The following NELL2 variants were observed in gnomAD, a reference collection of about 807,000 sequenced individuals.
The protein encoded by NELL2 is protein kinase C-binding protein NELL2.
Under a neutral mutation model 109.6 loss-of-function variants are expected in NELL2, and 41 were observed. The observed-to-expected ratio is 0.37, with a 90% confidence interval of 0.29 to 0.49. The LOEUF (loss-of-function observed/expected upper bound fraction) is 0.49. Ranked by LOEUF, NELL2 falls within the 20% of genes least tolerant of loss-of-function variation. NELL2 has a pLI of 0.98. For missense variants in NELL2, 900 were observed against 1,008.3 expected (o/e 0.89, Z 1.45); for synonymous variants, 355 against 344.7 (o/e 1.03, Z -0.33).
chr12:44,826,266 A>G (rs943536508), intron 2 of NELL2, among the ~76,000 whole-genome samples: 33 of 152,320 alleles, frequency 2.2e-4, no homozygotes, highest in Admixed American at 1.4e-3. Context: ...CAATGTATAA[A>G]TTCTATTATA....
At chr12:44,736,255 C>T (rs1230305195) in intron 9 of NELL2, among the ~76,000 whole-genome samples, 4 of 151,690 alleles carry the variant, frequency 2.6e-5, no homozygotes, top group Admixed American at 6.6e-5. Context: ...GTGATCCGCC[C>T]GTCTCGGCCT....
At chr12:44,578,100 T>C (rs1944177953) in intron 15 of NELL2, among the ~76,000 whole-genome samples, 1 of 152,218 alleles carries the variant, frequency 6.6e-6, no homozygotes, top group Admixed American at 6.5e-5. Flanking sequence ...AGTAAGTATC[T>C]ATTGAAGTAA....
intron 1 of NELL2, among the ~76,000 whole-genome samples, chr12:44,909,909 G>C (rs1215239402): frequency 6.6e-6 from 1 of 151,806 alleles, no homozygotes; most frequent in Non-Finnish European, 1.5e-5. Flanking sequence ...AATGGTGCTG[G>C]AATAGCTGTC....
chr12:44,639,835 A>G (rs755144299), intron 13 of NELL2, among the ~76,000 whole-genome samples: 1 of 151,214 alleles, frequency 6.6e-6, no homozygotes, highest in Non-Finnish European at 1.5e-5. Flanking sequence ...TCTAGCCTGA[A>G]ATGGAAACTC....
chr12:44,781,120 A>C (rs1056646741), intron 3 of NELL2, among the ~76,000 whole-genome samples: 13 of 152,144 alleles, frequency 8.5e-5, no homozygotes, highest in Non-Finnish European at 1.9e-4. Context: ...TTACAGCAGC[A>C]CTGACAAAAA....
intron 15 of NELL2, among the ~76,000 whole-genome samples, chr12:44,601,568 C>T (rs994821177): frequency 5.3e-5 from 8 of 152,030 alleles, no homozygotes; most frequent in Non-Finnish European, 8.8e-5. Flanking sequence ...TGCTCTTAAC[C>T]TTTCTCTTAT....
At chr12:44,756,615 A>T (rs970328227) in intron 9 of NELL2, among the ~76,000 whole-genome samples, 8 of 152,164 alleles carry the variant, frequency 5.3e-5, no homozygotes, top group African/African-American at 1.9e-4. Flanking sequence ...AAAAAATGTT[A>T]AAAGCATCAT....
rs1172375833 is a variant in NELL2 at position 44,837,188 on chromosome 12, CT to C, written c.185-21053del. The stretch of plus-strand genomic sequence containing the variant: ...CTTTTTTGAATTCACTATGTTGGTA[CT>C]ATTAGTGTCCTTATTTTGCAGAAAG... On this transcript the variant is annotated intron_variant, in intron 2 of 19. Coordinates refer to ENST00000429094, the MANE Select transcript of NELL2 (RefSeq NM_001145108.2). 2.6e-5 allele frequency among the ~76,000 whole-genome samples: 4 copies of C among 152,256 alleles called. No individual in the cohort carries two copies. The East Asian group carries it at 7.7e-4, about 29-fold the overall frequency.
intron 15 of NELL2, among the ~76,000 whole-genome samples, chr12:44,574,165 G>C (rs991040691): frequency 6.6e-6 from 1 of 152,004 alleles, no homozygotes; most frequent in African/African-American, 2.4e-5. Flanking sequence ...TTGGGTTCAA[G>C]TGATCTCGGC....
At chr12:44,523,627 G>A in intron 16 of NELL2, 143 bp from the exon 17 acceptor site, 1 of 647,470 alleles carries the variant, frequency 1.5e-6, no homozygotes, top group Non-Finnish European at 2.7e-6. Flanking sequence ...GTGATTAAAT[G>A]TTGACTAAAG....
chr12:44,526,372 C>A (rs903533339), intron 16 of NELL2, among the ~76,000 whole-genome samples: 3 of 152,148 alleles, frequency 2.0e-5, no homozygotes, highest in African/African-American at 7.2e-5. Flanking sequence ...TTCACAACAA[C>A]CCTCGAAGAT....
At chr12:44,850,152 T>C (rs1426698811) in intron 2 of NELL2, among the ~76,000 whole-genome samples, 2 of 152,190 alleles carry the variant, frequency 1.3e-5, no homozygotes, top group South Asian at 2.1e-4. Flanking sequence ...TGAAAGTAGA[T>C]ATAAACACAG....
intron 15 of NELL2, among the ~76,000 whole-genome samples, chr12:44,583,620 G>C (rs1428786604): frequency 2.6e-5 from 4 of 152,126 alleles, no homozygotes; most frequent in Non-Finnish European, 5.9e-5. Context: ...ATTTCTTTAT[G>C]AAATTTTCAC....
intron 12 of NELL2, among the ~76,000 whole-genome samples, chr12:44,695,215 G>T (rs76431065): frequency 0.06 from 9,049 of 149,666 alleles, 893 homozygotes; most frequent in African/African-American, 0.21. Context: ...AGCAAAGGAG[G>T]TTGGTTACAT....
chr12:44,754,211 C>T (rs550036758), intron 9 of NELL2, among the ~76,000 whole-genome samples: 36 of 152,228 alleles, frequency 2.4e-4, no homozygotes, highest in African/African-American at 7.7e-4. Context: ...GTATGATATT[C>T]AGTGTTGTGA....
At position 44,703,722 on chromosome 12, in the gene NELL2, T is replaced by C. The variant is rs199653923; in HGVS notation, c.1318+4A>G. ...GCTGAGCTACACATCATTACAAGGA[T>C]TACCTTCACAGTAGGCATTATCCTC... On this transcript the variant is annotated splice_donor_region_variant and intron_variant, in intron 12 of 19. Transcript: ENST00000429094. 2 of 1,613,184 alleles carry C rather than the reference T, an allele frequency of 1.2e-6. No individual in the cohort carries two copies. Among genetic ancestry groups the C allele is most frequent in the Admixed American group, 1.7e-5 (1 of 59,938 alleles).
chr12:44,524,676 T>C (rs1397909052), intron 16 of NELL2, among the ~76,000 whole-genome samples: 1 of 152,184 alleles, frequency 6.6e-6, no homozygotes, highest in Non-Finnish European at 1.5e-5. Context: ...CAGGACATTT[T>C]TTTTCTATTT....
At chr12:44,819,807 G>A (rs1248568600) in intron 2 of NELL2, among the ~76,000 whole-genome samples, 1 of 152,192 alleles carries the variant, frequency 6.6e-6, no homozygotes, top group Non-Finnish European at 1.5e-5. Context: ...AAAGCCAGCG[G>A]AAGCCCCATT....
intron 15 of NELL2, among the ~76,000 whole-genome samples, chr12:44,540,498 T>C (rs1232109375): frequency 3.3e-5 from 5 of 152,108 alleles, no homozygotes; most frequent in African/African-American, 1.2e-4. Context: ...AGATGAGACA[T>C]GGAGCTGGAA....
Sources: allele counts gnomAD v4.1 joint callset (sites outside exome capture counted in the v4.1 genomes callset), GRCh38; gene constraint gnomAD v4.1.1; transcripts MANE v1.5; gene names NCBI Gene and HGNC (gene_info 2026-07-23, HGNC 2026-07-21).